CENPI: variants seen among roughly 807,000 people sequenced by gnomAD.
The protein encoded by CENPI is centromere protein I, also known as FSH primary response 1.
Under a neutral mutation model 60.4 loss-of-function variants are expected in CENPI, and 4 were observed. That is an observed-to-expected ratio of 0.07 (90% confidence interval 0.03 to 0.15). The LOEUF is 0.15. Ranked by LOEUF, CENPI falls within the 10% of genes least tolerant of loss-of-function variation. The pLI, the probability that CENPI is intolerant of heterozygous loss-of-function variation, is 1.00. For synonymous variants in CENPI, 157 were observed against 189.4 expected (o/e 0.83, Z 1.40); for missense variants, 444 against 534.5 (o/e 0.83, Z 1.67).
intron 18 of CENPI, among the ~76,000 whole-genome samples, chrX:101,147,149 G>T (rs1406631464): frequency 9.0e-6 from 1 of 111,591 alleles, no homozygotes; most frequent in Non-Finnish European, 1.9e-5. Context: ...CCTTTCTGCT[G>T]CACCTTTTTT....
chrX:101,178,538 G>A, the CENPI span, among the ~76,000 whole-genome samples: 2 of 106,909 alleles, frequency 1.9e-5, no homozygotes, highest in East Asian at 3.0e-4. Context: ...AGCCTCCTGA[G>A]TAGCTGGGAT....
intron 8 of CENPI, among the ~76,000 whole-genome samples, chrX:101,121,948 G>A (rs1024247913): frequency 1.4e-4 from 15 of 107,525 alleles, no homozygotes; most frequent in African/African-American, 3.1e-4. Flanking sequence ...AACTACAGGC[G>A]CGCACCACCA....
the CENPI span, among the ~76,000 whole-genome samples, chrX:101,181,528 C>T: frequency 9.0e-6 from 1 of 111,635 alleles, no homozygotes; most frequent in African/African-American, 3.3e-5. Flanking sequence ...GAATTTATTC[C>T]TCAGTATTTT....
the CENPI span, among the ~76,000 whole-genome samples, chrX:101,175,386 G>A: frequency 4.5e-5 from 5 of 111,821 alleles, no homozygotes; most frequent in African/African-American, 9.8e-5. Flanking sequence ...ATTTTGCCTC[G>A]CAACTTAGCC....
At chrX:101,160,375 C>CTT (rs763855508) in intron 20 of CENPI, among the ~76,000 whole-genome samples, 7 of 81,383 alleles carry the variant, frequency 8.6e-5, no homozygotes, top group East Asian at 7.9e-4. Context: ...GCTTTTAGTT[C>CTT]TTTTTTTTTT....
At chrX:101,155,598 C>T (rs912703356) in intron 20 of CENPI, among the ~76,000 whole-genome samples, 7 of 111,829 alleles carry the variant, frequency 6.3e-5, no homozygotes, top group African/African-American at 2.3e-4. Context: ...TGGTATATTC[C>T]ATTAATTGAG....
chrX:101,126,621 A>G, intron 8 of CENPI, 88 bp from the exon 9 acceptor site: 1 of 710,292 alleles, frequency 1.4e-6, no homozygotes, highest in Non-Finnish European at 2.2e-6. Flanking sequence ...TTATGGTCTG[A>G]ATATACTTTT....
chrX:101,124,971 T>C (rs1374889210), intron 8 of CENPI, among the ~76,000 whole-genome samples: 2 of 111,680 alleles, frequency 1.8e-5, no homozygotes, highest in East Asian at 5.6e-4. Context: ...ACCTGAGCAC[T>C]AGAAAGGGGT....
At chrX:101,148,399 A>G (rs1434672192) in intron 20 of CENPI, among the ~76,000 whole-genome samples, 1 of 111,983 alleles carries the variant, frequency 8.9e-6, no homozygotes, top group Non-Finnish European at 1.9e-5. Flanking sequence ...ACAAATTACT[A>G]TAATACAGTG....
At chrX:101,121,802 C>CT (rs746498873) in intron 8 of CENPI, among the ~76,000 whole-genome samples, 2,482 of 79,532 alleles carry the variant, frequency 0.031, 165 homozygotes, top group African/African-American at 0.1. Flanking sequence ...TCTAGGAAAG[C>CT]TTTTTTTTTT....
chrX:101,171,065 AAAAAACTTGGAAAATTC>A (rs2090155951), downstream of CENPI, among the ~76,000 whole-genome samples: 3 of 112,311 alleles, frequency 2.7e-5, no homozygotes, highest in Non-Finnish European at 5.6e-5. Flanking sequence ...AACAATATTG[AAAAAACTTGGAAAATTC>A]ACATTTCTCA....
At chrX:101,166,510 T>C (rs2090144832), downstream of CENPI, among the ~76,000 whole-genome samples, 1 of 112,826 alleles carries the variant, frequency 8.9e-6, no homozygotes, top group African/African-American at 3.2e-5. Flanking sequence ...AAGCCAAATG[T>C]AGTTATCTGA....
chrX:101,146,786 G>A (rs753935797), intron 18 of CENPI, among the ~76,000 whole-genome samples: 1 of 111,310 alleles, frequency 9.0e-6, no homozygotes, highest in Admixed American at 9.6e-5. Context: ...TCACCCTGGA[G>A]TGCAGTGACA....
At chrX:101,180,252 T>C in the CENPI span, among the ~76,000 whole-genome samples, 138 of 111,285 alleles carry the variant, frequency 1.2e-3, no homozygotes, top group African/African-American at 4.4e-3. Context: ...TCCTTCTGTC[T>C]CAACTTCCTG....
chrX:101,121,780 G>C (rs912175139), intron 8 of CENPI, among the ~76,000 whole-genome samples: 10 of 103,980 alleles, frequency 9.6e-5, no homozygotes, highest in African/African-American at 3.2e-4. Flanking sequence ...TTTATATTTT[G>C]TACGGATGTG....
In CENPI at chrX:101,147,594, A is replaced by G. The variant is rs185842607; in HGVS notation, c.1827-169A>G. ...GAGCCTCTATTTTCACTTGAGGAGA[A>G]TGTATCACAAAAGGATAAAATCCTT... On this transcript the variant is annotated intron_variant, in intron 18 of 21. Coordinates refer to ENST00000682095, the MANE Select transcript of CENPI (RefSeq NM_001386188.2). Among the ~76,000 whole-genome samples the G allele has an allele frequency of 1.2e-4, 14 of 112,324 alleles. No homozygotes were observed. The Admixed American group carries it at 1.3e-3, about 11-fold the overall frequency.
intron 6 of CENPI, among the ~76,000 whole-genome samples, chrX:101,114,961 T>G (rs2089602468): frequency 9.5e-6 from 1 of 105,658 alleles, no homozygotes; most frequent in Non-Finnish European, 1.9e-5. Context: ...TAAAAAAATT[T>G]TTTTTTTAAT....
At chrX:101,151,270 T>A (rs1330106783) in intron 20 of CENPI, among the ~76,000 whole-genome samples, 2 of 111,087 alleles carry the variant, frequency 1.8e-5, no homozygotes, top group African/African-American at 6.5e-5. Context: ...TTTATAAGAG[T>A]TCCCAATTTT....
intron 18 of CENPI, 28 bp downstream of exon 18, chrX:101,146,305 A>C (rs376323448): frequency 9.5e-6 from 11 of 1,163,777 alleles, no homozygotes; most frequent in Non-Finnish European, 1.3e-5. Flanking sequence ...CATTTTATGA[A>C]ACAGTGTATT....
Sources: gnomAD v4.1 joint callset for allele counts (sites outside exome capture counted in the v4.1 genomes callset) on GRCh38, gnomAD v4.1.1 for gene constraint, MANE v1.5 for transcripts, NCBI Gene and HGNC (gene_info 2026-07-23, HGNC 2026-07-21) for gene names.